The following LRRTM4 variants were observed in gnomAD, a reference collection of about 807,000 sequenced individuals.
LRRTM4 encodes leucine rich repeat transmembrane neuronal 4, also known as leucine-rich repeat transmembrane neuronal protein 4.
Under a neutral mutation model 47.6 loss-of-function variants are expected in LRRTM4, and 25 were observed. The observed-to-expected ratio is 0.53, with a 90% CI of 0.38 to 0.73. The LOEUF is 0.73. Among genes scored for constraint, LRRTM4 ranks in the 30% least tolerant of loss-of-function variants. The pLI is 0.00. For missense variants in LRRTM4, 638 were observed against 713.4 expected, an observed-to-expected ratio of 0.89 and a Z score of 1.20; for synonymous variants, 311 against 269.5, an observed-to-expected ratio of 1.15 and a Z score of -1.51.
At chr2:76,915,044 T>C (rs1674196928) in intron 3 of LRRTM4, among the ~76,000 whole-genome samples, 1 of 152,202 alleles carries the variant, frequency 6.6e-6, no homozygotes, top group South Asian at 2.1e-4. Context: ...CATTCAAGCA[T>C]CAGAAAATTT....
intron 3 of LRRTM4, among the ~76,000 whole-genome samples, chr2:76,822,860 G>A (rs1218429513): frequency 6.6e-6 from 1 of 151,106 alleles, no homozygotes; most frequent in African/African-American, 2.4e-5. Context: ...GAAATAAGAT[G>A]GTCAGTATTG....
chr2:77,308,066 C>G (rs1258349666), intron 3 of LRRTM4, among the ~76,000 whole-genome samples: 1 of 138,640 alleles, frequency 7.2e-6, no homozygotes, highest in Non-Finnish European at 1.5e-5. Context: ...ATCTATATAT[C>G]TATATAACAT....
chr2:76,850,684 C>T (rs1215754790), intron 3 of LRRTM4, among the ~76,000 whole-genome samples: 1 of 152,152 alleles, frequency 6.6e-6, no homozygotes, highest in Non-Finnish European at 1.5e-5. Context: ...TCATCTGAAG[C>T]GACTATGTCA....
intron 3 of LRRTM4, among the ~76,000 whole-genome samples, chr2:76,900,989 T>G (rs1283207909): frequency 6.6e-6 from 1 of 152,230 alleles, no homozygotes; most frequent in Non-Finnish European, 1.5e-5. Flanking sequence ...AAGTAAATTC[T>G]CCTATTCAAG....
intron 3 of LRRTM4, among the ~76,000 whole-genome samples, chr2:77,280,060 G>C (rs569776231): frequency 6.6e-6 from 1 of 152,152 alleles, no homozygotes; most frequent in East Asian, 1.9e-4. Flanking sequence ...AAAATAATCA[G>C]CTGCCATTAA....
At chr2:77,123,956 G>A (rs1671587016) in intron 3 of LRRTM4, among the ~76,000 whole-genome samples, 1 of 152,074 alleles carries the variant, frequency 6.6e-6, no homozygotes, top group Non-Finnish European at 1.5e-5. Context: ...TGGAAATAAG[G>A]AAAATGCAGA....
At chr2:76,973,079 G>A (rs533198275) in intron 3 of LRRTM4, among the ~76,000 whole-genome samples, 2 of 152,092 alleles carry the variant, frequency 1.3e-5, no homozygotes, top group Admixed American at 6.6e-5. Context: ...TTGACTTGTT[G>A]AGGAAAATGG....
intron 3 of LRRTM4, among the ~76,000 whole-genome samples, chr2:77,516,246 A>C (rs1161393283): frequency 6.6e-6 from 1 of 151,930 alleles, no homozygotes; most frequent in East Asian, 1.9e-4. Context: ...ATTAAATGTC[A>C]ATCTATATAA....
chr2:76,836,925 A>G (rs1201613784), intron 3 of LRRTM4, among the ~76,000 whole-genome samples: 2 of 152,172 alleles, frequency 1.3e-5, no homozygotes, highest in African/African-American at 2.4e-5. Flanking sequence ...TTTCACAAAA[A>G]TTTAGTTACT....
In LRRTM4 at chr2:77,250,147, T is replaced by C. The variant is rs79864777; in HGVS notation, c.1551+268171A>G. Among the ~76,000 whole-genome samples the C allele has an allele frequency of 5.3e-3, 808 of 152,248 alleles. 4 individuals are homozygous for C. Among genetic ancestry groups the C allele is most frequent in the South Asian group, 0.018 (86 of 4,828 alleles). Reference sequence around the variant, plus strand: ...TTATGGAGATAGTGAAAAAAAATCATAATTGCCAGAAGTTAGAAGGGAGGG... The same window carrying C: ...TTATGGAGATAGTGAAAAAAAATCACAATTGCCAGAAGTTAGAAGGGAGGG... On this transcript the variant is annotated intron_variant, in intron 3 of 3. Transcript: ENST00000409884.
chr2:77,218,357 T>C (rs1209955185), intron 3 of LRRTM4, among the ~76,000 whole-genome samples: 2 of 152,018 alleles, frequency 1.3e-5, no homozygotes, highest in Non-Finnish European at 2.9e-5. Context: ...GGTTATGTTA[T>C]GATAGCTTAT....
At chr2:77,071,695 A>G (rs1680159444) in intron 3 of LRRTM4, among the ~76,000 whole-genome samples, 1 of 152,230 alleles carries the variant, frequency 6.6e-6, no homozygotes, top group African/African-American at 2.4e-5. Flanking sequence ...ACAAATCTAA[A>G]TTGTTTTCTT....
intron 3 of LRRTM4, among the ~76,000 whole-genome samples, chr2:77,197,436 G>A (rs1673860171): frequency 6.6e-6 from 1 of 152,106 alleles, no homozygotes; most frequent in Non-Finnish European, 1.5e-5. Flanking sequence ...TATTTGAAAT[G>A]AGGAGCAGCA....
intron 3 of LRRTM4, chr2:76,989,909 A>C (rs1034941953): frequency 5.9e-5 from 9 of 151,876 alleles, no homozygotes; most frequent in Non-Finnish European, 1.2e-4. Flanking sequence ...TAAAACAGAT[A>C]AAGTACATGG....
chr2:77,434,529 C>G (rs954338319), intron 3 of LRRTM4, among the ~76,000 whole-genome samples: 10 of 151,566 alleles, frequency 6.6e-5, no homozygotes, highest in African/African-American at 2.4e-4. Context: ...GAGCTGGTGG[C>G]AGAAATTAAT....
chr2:77,462,792 C>T (rs530811285), intron 3 of LRRTM4, among the ~76,000 whole-genome samples: 14 of 151,976 alleles, frequency 9.2e-5, no homozygotes, highest in Admixed American at 3.3e-4. Flanking sequence ...TCACAAATTG[C>T]CTACCTGTGC....
chr2:77,485,275 G>C (rs953431594), intron 3 of LRRTM4, among the ~76,000 whole-genome samples: 1 of 152,092 alleles, frequency 6.6e-6, no homozygotes. Context: ...GAGACAAAGA[G>C]ACCAAGTAAA....
intron 3 of LRRTM4, among the ~76,000 whole-genome samples, chr2:77,173,479 G>A (rs1485537806): frequency 1.3e-5 from 2 of 152,050 alleles, no homozygotes; most frequent in African/African-American, 4.8e-5. Context: ...TTTAAAAATG[G>A]AAGTTACCTG....
chr2:76,967,457 T>G (rs943277153), intron 3 of LRRTM4, among the ~76,000 whole-genome samples: 3 of 151,558 alleles, frequency 2.0e-5, no homozygotes, highest in Non-Finnish European at 1.5e-5. Flanking sequence ...GGTCACTCAG[T>G]GATCCTCCTC....
Sources: allele counts gnomAD v4.1 joint callset (sites outside exome capture counted in the v4.1 genomes callset), GRCh38; gene constraint gnomAD v4.1.1; transcripts MANE v1.5; gene names NCBI Gene and HGNC (gene_info 2026-07-23, HGNC 2026-07-21).